ZBTB46: variants seen among roughly 807,000 people sequenced by gnomAD.
ZBTB46 encodes the protein zinc finger and BTB domain containing 46, also known as zinc finger and BTB domain-containing protein 46.
Under a neutral mutation model 44.1 loss-of-function variants are expected in ZBTB46, and 8 were observed. The ratio of observed to expected loss-of-function variants is 0.18; its 90% CI spans 0.11 to 0.33. The LOEUF is 0.33. Among genes scored for constraint, ZBTB46 ranks in the 10% least tolerant of loss-of-function variants. The probability of loss-of-function intolerance (pLI) is 1.00; values close to 1 mark genes in which losing one functional copy is unlikely to be tolerated. For synonymous variants in ZBTB46, 409 were observed against 382.3 expected (o/e 1.07, Z -0.81); for missense variants, 651 against 847.7 (o/e 0.77, Z 2.88).
chr20:63,782,795 G>A (rs1274444041), intron 2 of ZBTB46, among the ~76,000 whole-genome samples: 1 of 152,172 alleles, frequency 6.6e-6, no homozygotes, highest in Non-Finnish European at 1.5e-5. Flanking sequence ...AGGACACCCT[G>A]CCGAGTGGCT....
intron 1 of ZBTB46, among the ~76,000 whole-genome samples, chr20:63,792,117 C>G (rs950387300): frequency 6.6e-6 from 1 of 152,186 alleles, no homozygotes; most frequent in East Asian, 1.9e-4. Context: ...TAGGGGCCCA[C>G]CCCCACGGCC....
chr20:63,778,091 C>T (rs2092439797), intron 2 of ZBTB46, among the ~76,000 whole-genome samples: 1 of 151,660 alleles, frequency 6.6e-6, no homozygotes, highest in Non-Finnish European at 1.5e-5. Flanking sequence ...GGAAAATGTT[C>T]TAAGGGGACT....
chr20:63,804,611 AGGCCGGGCAC>A (rs1372940109), intron 1 of ZBTB46, among the ~76,000 whole-genome samples: 1 of 152,108 alleles, frequency 6.6e-6, no homozygotes, highest in East Asian at 1.9e-4. Flanking sequence ...CTACAGTACC[AGGCCGGGCAC>A]GGTGGCTCAC....
At chr20:63,799,305 T>C (rs187921997) in intron 1 of ZBTB46, among the ~76,000 whole-genome samples, 1 of 149,656 alleles carries the variant, frequency 6.7e-6, no homozygotes, top group African/African-American at 2.5e-5. Flanking sequence ...CTCCCAAAGT[T>C]CTGGGACTAC....
chr20:63,815,332 G>A (rs967632049), intron 1 of ZBTB46, among the ~76,000 whole-genome samples: 2 of 149,734 alleles, frequency 1.3e-5, no homozygotes, highest in Non-Finnish European at 3.0e-5. Context: ...ACAGGTGCAG[G>A]TGGGCATAGG....
At chr20:63,807,956 A>C (rs2092692046) in intron 1 of ZBTB46, 1 of 147,920 alleles carries the variant, frequency 6.8e-6, no homozygotes, top group African/African-American at 2.5e-5. Context: ...ACCTTCCCAC[A>C]GGAGACACTC....
chr20:63,775,701 G>A lies in ZBTB46; in HGVS notation c.1199C>T (p.Pro400Leu). The change falls in exon 3 of 5, where the codon CCC becomes CTC. Residue 400 changes from proline (P) to leucine (L), a missense_variant. Pro to Leu is a moderately conservative substitution (Grantham distance 98). Transcript: ENST00000245663. ...ACGGGACAGCGAGTGGGCCCCTCTG[G>A]GCAGGTACTCGAACAGCAGGGAGCC... ...DDGSLLFEYLPRGAHSLSLNE... is the reference protein window; with the variant it reads ...DDGSLLFEYLLRGAHSLSLNE... 6.3e-7 allele frequency: 1 copy of A among 1,596,152 alleles called. No individual in the cohort carries two copies. The highest frequency in any genetic ancestry group is 8.5e-7 in the Non-Finnish European group (1 of 1,170,180).
chr20:63,758,416 C>A (rs2092244004), intron 3 of ZBTB46, among the ~76,000 whole-genome samples: 1 of 152,060 alleles, frequency 6.6e-6, no homozygotes. Context: ...ATTTCCCCCT[C>A]TCCCTCTGCC....
chr20:63,808,980 AAAAAAAAAAAAAAAAAAAAGAAAAAG>A (rs986392943), intron 1 of ZBTB46, among the ~76,000 whole-genome samples: 10 of 98,854 alleles, frequency 1.0e-4, no homozygotes, highest in African/African-American at 1.8e-4. Flanking sequence ...CCGCTTCAAA[AAAAAAAAAAAAAAAAAAAAGAAAAAG>A]AAAAAAAAAA....
At chr20:63,819,575 T>A (rs1230007432) in intron 1 of ZBTB46, among the ~76,000 whole-genome samples, 1 of 152,108 alleles carries the variant, frequency 6.6e-6, no homozygotes, top group Non-Finnish European at 1.5e-5. Flanking sequence ...CTCTAGCAAT[T>A]TCCACACTGA....
Position 63,752,920 on chromosome 20 carries a change from C to T in ZBTB46, c.1223-59G>A. On this transcript the variant is annotated intron_variant, in intron 3 of 4. Coordinates refer to ENST00000245663, the MANE Select transcript of ZBTB46 (RefSeq NM_001369741.1). The surrounding 1 kb of genome is among the most constrained non-coding windows in gnomAD (Gnocchi z 5.6). The stretch of plus-strand genomic sequence containing the variant: ...GCTTGGGATGTACCGCCCTGCGGCC[C>T]ACAGACCACGGCTGCACGCCGCAGC... 1 of 1,525,902 alleles carries T rather than the reference C, an allele frequency of 6.6e-7. No homozygotes were observed. The highest frequency in any genetic ancestry group is 8.8e-7 in the Non-Finnish European group (1 of 1,132,622). 94.5% of individuals were successfully genotyped at this position (1,525,902 alleles called of 1,614,324 possible).
intron 3 of ZBTB46, among the ~76,000 whole-genome samples, chr20:63,758,500 G>A (rs552623924): frequency 6.6e-6 from 1 of 150,378 alleles, no homozygotes; most frequent in African/African-American, 2.5e-5. Context: ...AAATTGGTGA[G>A]TGTAACAAAC....
intron 1 of ZBTB46, among the ~76,000 whole-genome samples, chr20:63,799,852 C>G (rs972875028): frequency 2.0e-5 from 3 of 152,134 alleles, no homozygotes; most frequent in Non-Finnish European, 4.4e-5. Flanking sequence ...CTGGAGCCTG[C>G]TCAGCTGCTG....
chr20:63,826,353 G>GT (rs1418255295), intron 1 of ZBTB46, among the ~76,000 whole-genome samples: 1 of 152,240 alleles, frequency 6.6e-6, no homozygotes, highest in Non-Finnish European at 1.5e-5. Flanking sequence ...TGAGTCGCTA[G>GT]TAAGTCAGAG....
rs1568829753 is a variant in ZBTB46 at position 63,752,866 on chromosome 20, A to AAG, written c.1223-7_1223-6dup. ...TGATCACCGTGAACTCATTCACTGA[A>AAG]AGAGAGGGACCCGCGAGGCGTCAGC... is the stretch of plus-strand genomic sequence containing the variant. On this transcript the variant is annotated splice_region_variant and splice_polypyrimidine_tract_variant and intron_variant, in intron 3 of 4. Coordinates refer to ENST00000245663, the MANE Select transcript of ZBTB46 (RefSeq NM_001369741.1). This position sits in a 1 kb window ranked among gnomAD's most constrained non-coding sequence, Gnocchi z 5.6. The AAG allele has an allele frequency of 6.3e-7, 1 of 1,593,736 alleles. No individual in the cohort carries two copies. Among genetic ancestry groups the AAG allele is most frequent in the South Asian group, 1.1e-5 (1 of 90,412 alleles).
chr20:63,806,587 T>C (rs1312883267), intron 1 of ZBTB46, among the ~76,000 whole-genome samples: 1 of 152,062 alleles, frequency 6.6e-6, no homozygotes, highest in Non-Finnish European at 1.5e-5. Context: ...AAGGCAACAC[T>C]ATGCTCTCAA....
intron 1 of ZBTB46, chr20:63,815,163 AGGCACAGGTGCAGTG>A (rs1433926521): frequency 1.9e-4 from 45 of 233,760 alleles, no homozygotes; most frequent in Non-Finnish European, 3.4e-4. Context: ...TCTGAGCTGA[AGGCACAGGTGCAGTG>A]GGCCCAGGTG....
chr20:63,795,457 G>A (rs1052720191), intron 1 of ZBTB46, among the ~76,000 whole-genome samples: 3 of 152,258 alleles, frequency 2.0e-5, no homozygotes, highest in Admixed American at 6.5e-5. Context: ...GCTGCGTGGG[G>A]CCTGTCCTGC....
At position 63,793,842 on chromosome 20, in the gene ZBTB46, G is replaced by A. The variant is rs149649211; in HGVS notation, c.-33-3052C>T. 3.8e-3 allele frequency among the ~76,000 whole-genome samples: 575 copies of A among 152,210 alleles called. 1 individual carries two copies. Among genetic ancestry groups the A allele is most frequent in the African/African-American group, 0.013 (551 of 41,534 alleles). ...CAGCTTAAAATCAGTTATATACTCA[G>A]AGATTTTATAGTTAAAAAAATAAAT... is the stretch of plus-strand genomic sequence containing the variant. On this transcript the variant is annotated intron_variant, in intron 1 of 4. Transcript: ENST00000245663.
Sources: gnomAD v4.1 joint callset for allele counts (sites outside exome capture counted in the v4.1 genomes callset) on GRCh38, gnomAD v4.1.1 for gene constraint, Gnocchi (gnomAD v3.1) non-coding constraint, MANE v1.5 for transcripts, NCBI Gene and HGNC (gene_info 2026-07-23, HGNC 2026-07-21) for gene names.